Variants in TRDMT1 observed in about 807,000 individuals in gnomAD.
TRDMT1 encodes the protein tRNA aspartic acid methyltransferase 1, also known as tRNA (cytosine(38)-C(5))-methyltransferase.
Under a neutral mutation model 51.2 loss-of-function variants are expected in TRDMT1, and 49 were observed. The ratio of observed to expected loss-of-function variants is 0.96; its 90% CI spans 0.76 to 1.21. The LOEUF (loss-of-function observed/expected upper bound fraction) is 1.21. TRDMT1 is among the 50% of genes most tolerant of loss of function. The pLI is 0.00. For missense variants in TRDMT1, 534 were observed against 462.3 expected (o/e 1.16, Z -1.42); for synonymous variants, 187 against 164.6 (o/e 1.14, Z -1.04).
At chr10:17,185,447 T>C (rs940019608) in intron 1 of TRDMT1, among the ~76,000 whole-genome samples, 6 of 152,124 alleles carry the variant, frequency 3.9e-5, no homozygotes, top group Non-Finnish European at 7.4e-5. Flanking sequence ...TGTGGAGAAA[T>C]AGGAACACTT....
chr10:17,175,844 G>A (rs1460742534), intron 1 of TRDMT1, among the ~76,000 whole-genome samples: 1 of 151,982 alleles, frequency 6.6e-6, no homozygotes, highest in Non-Finnish European at 1.5e-5. Context: ...GAAAAGAAAG[G>A]CACAAATGTC....
In TRDMT1 at chr10:17,154,722, G is replaced by A; in HGVS notation, c.900C>T (p.Tyr300=). ...GTAACACAGACCCTGTCCCTTCTATGTAGCTTCCATATCTGAAAAATCAAC... is the reference window on the plus strand; with the variant it reads ...GTAACACAGACCCTGTCCCTTCTATATAGCTTCCATATCTGAAAAATCAAC... ...SVCFTKGYGS[Y]IEGTGSVLQT... is the part of the protein sequence containing the mutation. Residue 300 remains tyrosine (Y), a synonymous_variant, in exon 9 of 11, where the codon TAC becomes TAT. Transcript: ENST00000377799. 1 of 1,603,560 alleles carries A rather than the reference G, an allele frequency of 6.2e-7. No homozygotes were observed. Among genetic ancestry groups the A allele is most frequent in the Non-Finnish European group, 8.5e-7 (1 of 1,175,340 alleles).
chr10:17,158,505 C>T (rs1839870506), intron 7 of TRDMT1, among the ~76,000 whole-genome samples: 1 of 152,064 alleles, frequency 6.6e-6, no homozygotes, highest in African/African-American at 2.4e-5. Flanking sequence ...CACTACCAAT[C>T]CCTTATTAGT....
intron 10 of TRDMT1, 74 bp downstream of exon 10, chr10:17,153,433 T>C (rs773441983): frequency 1.9e-6 from 3 of 1,569,596 alleles, no homozygotes; most frequent in South Asian, 1.2e-5. Context: ...AGGCAAGTCC[T>C]AGACACACAA....
chr10:17,145,657 A>T lies in TRDMT1; in HGVS notation c.*3383T>A. The T allele has an allele frequency of 1.0e-6, 1 of 985,422 alleles. No individual in the cohort carries two copies. The highest frequency in any genetic ancestry group is 1.2e-6 in the Non-Finnish European group (1 of 829,920). 61.0% of individuals were successfully genotyped at this position (985,422 alleles called of 1,614,324 possible). A position where few individuals can be genotyped will look rare whatever the true frequency, so the allele number is the denominator to read the frequency against. On this transcript the variant is annotated 3_prime_UTR_variant, in exon 11 of 11. Coordinates refer to ENST00000377799, the MANE Select transcript of TRDMT1 (RefSeq NM_004412.7). ...TAAGCAATTCAGGAAAACCCACTTT[A>T]ATCTCTTTGTCTATGTGGGATTAAA... is the stretch of plus-strand genomic sequence containing the variant.
intron 1 of TRDMT1, among the ~76,000 whole-genome samples, chr10:17,176,612 A>G (rs975691259): frequency 2.0e-5 from 3 of 152,214 alleles, no homozygotes; most frequent in Non-Finnish European, 2.9e-5. Context: ...CATAACTTAA[A>G]AAGTTATTTC....
chr10:17,152,111 A>G (rs1208677073), intron 10 of TRDMT1: 4 of 1,264,106 alleles, frequency 3.2e-6, no homozygotes, highest in Non-Finnish European at 3.1e-6. Context: ...TGAAAAAAGG[A>G]AAAAAAAATA....
At chr10:17,181,469 T>C (rs1007137477) in intron 1 of TRDMT1, among the ~76,000 whole-genome samples, 21 of 152,208 alleles carry the variant, frequency 1.4e-4, no homozygotes, top group East Asian at 1.9e-4. Context: ...TGGCACAGAA[T>C]AGGCGCTCAA....
intron 1 of TRDMT1, among the ~76,000 whole-genome samples, chr10:17,183,998 A>G (rs766870776): frequency 1.9e-4 from 29 of 148,996 alleles, no homozygotes; most frequent in Non-Finnish European, 4.0e-4. Context: ...TAATCAAAAG[A>G]AAAACTAAAA....
intron 1 of TRDMT1, among the ~76,000 whole-genome samples, chr10:17,189,873 T>G (rs182417459): frequency 2.0e-5 from 3 of 152,302 alleles, no homozygotes; most frequent in Non-Finnish European, 4.4e-5. Context: ...ACTCTGGCAT[T>G]TGTTTCTTGA....
In TRDMT1 at chr10:17,143,471, C is replaced by T; in HGVS notation, c.*5569G>A. On this transcript the variant is annotated 3_prime_UTR_variant, in exon 11 of 11. Coordinates refer to ENST00000377799, the MANE Select transcript of TRDMT1 (RefSeq NM_004412.7). Reference sequence around the variant, plus strand: ...CTACTACACAAGGAGTATCACATTCCATTCAGTGTTTTCAGTCATTTTTTT... The same window carrying T: ...CTACTACACAAGGAGTATCACATTCTATTCAGTGTTTTCAGTCATTTTTTT... 1 of 985,404 alleles carries T rather than the reference C, an allele frequency of 1.0e-6. No homozygotes were observed. Among genetic ancestry groups the T allele is most frequent in the Non-Finnish European group, 1.2e-6 (1 of 829,932 alleles). 61.0% of individuals were successfully genotyped at this position (985,404 alleles called of 1,614,324 possible). A position where few individuals can be genotyped will look rare whatever the true frequency, so the allele number is the denominator to read the frequency against.
Position 17,143,632 on chromosome 10 carries a change from A to T in TRDMT1, c.*5408T>A, listed in dbSNP as rs1223037012. On this transcript the variant is annotated 3_prime_UTR_variant, in exon 11 of 11. Coordinates refer to ENST00000377799, the MANE Select transcript of TRDMT1 (RefSeq NM_004412.7). ...CTGTTAAATGTTGACATGTTTAACC[A>T]AGCACACAAATATGATTGCAAATAT... 1 of 985,350 alleles carries T rather than the reference A, an allele frequency of 1.0e-6. No homozygotes were observed. The highest frequency in any genetic ancestry group is 1.2e-6 in the Non-Finnish European group (1 of 829,944). The allele number at this position is 985,350 out of a possible 1,614,324, so 61.0% of individuals were successfully genotyped here. A position where few individuals can be genotyped will look rare whatever the true frequency, so the allele number is the denominator to read the frequency against.
intron 1 of TRDMT1, among the ~76,000 whole-genome samples, chr10:17,178,574 G>A (rs11254429): frequency 0.024 from 3,688 of 151,616 alleles, 138 homozygotes; most frequent in African/African-American, 0.082. Context: ...TACTCAGGAG[G>A]CTGAAGCAGG....
chr10:17,157,014 G>C (rs1444430293), intron 8 of TRDMT1, among the ~76,000 whole-genome samples: 1 of 152,046 alleles, frequency 6.6e-6, no homozygotes, highest in Non-Finnish European at 1.5e-5. Context: ...AAATTTAAAA[G>C]TTACCCTAGT....
intron 1 of TRDMT1, among the ~76,000 whole-genome samples, chr10:17,183,263 G>C (rs1021331833): frequency 1.6e-4 from 25 of 152,174 alleles, no homozygotes; most frequent in Admixed American, 1.6e-3. Context: ...AAGTGTATGT[G>C]TATGTGTATG....
intron 2 of TRDMT1, among the ~76,000 whole-genome samples, chr10:17,171,316 A>T (rs35932553): frequency 0.27 from 41,033 of 151,982 alleles, 5,846 homozygotes; most frequent in Middle Eastern, 0.37. Flanking sequence ...ATGACACCTG[A>T]AGAGTGTGCC....
At position 17,144,238 on chromosome 10, in the gene TRDMT1, C is replaced by T; in HGVS notation, c.*4802G>A. 1 of 985,676 alleles carries T rather than the reference C, an allele frequency of 1.0e-6. No homozygotes were observed. The highest frequency in any genetic ancestry group is 1.2e-6 in the Non-Finnish European group (1 of 829,926). 61.1% of individuals were successfully genotyped at this position (985,676 alleles called of 1,614,324 possible). On this transcript the variant is annotated 3_prime_UTR_variant, in exon 11 of 11. Transcript: ENST00000377799. ...TGATTATAGAGCTAATTTAGCTAAA[C>T]AAACATGTTCTCTATGTACACTCTT... is the stretch of plus-strand genomic sequence containing the variant.
At position 17,168,831 on chromosome 10, in the gene TRDMT1, T is replaced by G; in HGVS notation, c.251+10A>C. ...GACCAATACAACACTGAAATATTTA[T>G]GACACATACCTTGTGAATGGCTGGC... On this transcript the variant is annotated intron_variant, in intron 3 of 10. Coordinates refer to ENST00000377799, the MANE Select transcript of TRDMT1 (RefSeq NM_004412.7). 6.3e-7 allele frequency: 1 copy of G among 1,591,856 alleles called. No homozygotes were observed.
At position 17,145,609 on chromosome 10, in the gene TRDMT1, G is replaced by A. The variant is rs1316394128; in HGVS notation, c.*3431C>T. 2.0e-6 allele frequency: 2 copies of A among 985,306 alleles called. No homozygotes were observed. Among genetic ancestry groups the A allele is most frequent in the African/African-American group, 3.5e-5 (2 of 57,240 alleles). 61.0% of individuals were successfully genotyped at this position (985,306 alleles called of 1,614,324 possible). On this transcript the variant is annotated 3_prime_UTR_variant, in exon 11 of 11. Coordinates refer to ENST00000377799, the MANE Select transcript of TRDMT1 (RefSeq NM_004412.7). Reference sequence around the variant, plus strand: ...AATCCCAAGCCGAAGGCCAAATTATGACAAGGTAACCTGTTCATAACATAA... The same window carrying A: ...AATCCCAAGCCGAAGGCCAAATTATAACAAGGTAACCTGTTCATAACATAA...
Sources: allele counts gnomAD v4.1 joint callset (sites outside exome capture counted in the v4.1 genomes callset), GRCh38; gene constraint gnomAD v4.1.1; transcripts MANE v1.5; gene names NCBI Gene and HGNC (gene_info 2026-07-23, HGNC 2026-07-21).